The following SMIM12 variants were observed in gnomAD, a reference collection of about 807,000 sequenced individuals.
SMIM12 encodes the protein small integral membrane protein 12.
In SMIM12, 5 loss-of-function variants were observed where a neutral mutation model predicts 6.3. The ratio of observed to expected loss-of-function variants is 0.80; its 90% CI spans 0.42 to 1.68. SMIM12 has a LOEUF of 1.68. SMIM12 is among the 40% of genes most tolerant of loss of function. SMIM12 has a pLI of 0.02. For missense variants in SMIM12, 103 were observed against 121.4 expected, an observed-to-expected ratio of 0.85 and a Z score of 0.71; for synonymous variants, 51 against 48.0, an observed-to-expected ratio of 1.06 and a Z score of -0.26.
rs922347537 is a variant in SMIM12, at chr1:34,854,482, G to A, written c.*1217C>T. On this transcript the variant is annotated 3_prime_UTR_variant, in exon 2 of 2. Transcript: ENST00000521580. ...ATCTACTTGAGGAGCTGAAGTGAGA[G>A]GATCACTTGAGCCCAGGAGGTCAAG... 2.0e-5 allele frequency: 3 copies of A among 152,032 alleles called. No individual in the cohort carries two copies. Among genetic ancestry groups the A allele is most frequent in the Non-Finnish European group, 4.4e-5 (3 of 68,050 alleles). 9.4% of individuals were successfully genotyped at this position (152,032 alleles called of 1,614,324 possible).
chr1:34,855,591 G>A lies in SMIM12; in HGVS notation c.*108C>T. ...TGTGTGGCTGTGTGGTGTGGGAAGG[G>A]CCAGAATAAGCAACAAAGCCAATTA... On this transcript the variant is annotated 3_prime_UTR_variant, in exon 2 of 2. Coordinates refer to ENST00000521580, the MANE Select transcript of SMIM12 (RefSeq NM_138428.6). 1 of 1,613,336 alleles carries A rather than the reference G, an allele frequency of 6.2e-7. No homozygotes were observed. Among genetic ancestry groups the A allele is most frequent in the South Asian group, 1.1e-5 (1 of 90,398 alleles).
chr1:34,855,409 C>T lies in SMIM12; in HGVS notation c.*290G>A. ...CAAACCGCCTGCCCACAGAGATTGACAGCCAATGTTCATCTCATAACTCTC... is the reference window on the plus strand; with the variant it reads ...CAAACCGCCTGCCCACAGAGATTGATAGCCAATGTTCATCTCATAACTCTC... On this transcript the variant is annotated 3_prime_UTR_variant, in exon 2 of 2. Transcript: ENST00000521580. 1 of 1,521,284 alleles carries T rather than the reference C, an allele frequency of 6.6e-7. No homozygotes were observed. The highest frequency in any genetic ancestry group is 8.9e-7 in the Non-Finnish European group (1 of 1,120,918). 94.2% of individuals were successfully genotyped at this position (1,521,284 alleles called of 1,614,324 possible).
In SMIM12 at chr1:34,850,928, T is replaced by A. The variant is rs1023591696; in HGVS notation, c.*4771A>T. 6.6e-6 allele frequency: 1 copy of A among 152,244 alleles called. No individual in the cohort carries two copies. Among genetic ancestry groups the A allele is most frequent in the South Asian group, 2.1e-4 (1 of 4,832 alleles). 9.4% of individuals were successfully genotyped at this position (152,244 alleles called of 1,614,324 possible). On this transcript the variant is annotated 3_prime_UTR_variant, in exon 2 of 2. Transcript: ENST00000521580. ...CAATCTCCTGACCAGCTTGTGCTTC[T>A]TGGTTCTTATGCAAGCCAGTTCTCT...
rs542904398 is a variant in SMIM12, at chr1:34,853,097, C to T, written c.*2602G>A. On this transcript the variant is annotated 3_prime_UTR_variant, in exon 2 of 2. Coordinates refer to ENST00000521580, the MANE Select transcript of SMIM12 (RefSeq NM_138428.6). ...CCTTAGAAGAAGCCAACGACTCAAC[C>T]TGCTCCCTCCTCTCAGGCCACCACC... 1 of 152,532 alleles carries T rather than the reference C, an allele frequency of 6.6e-6. No individual in the cohort carries two copies. Among genetic ancestry groups the T allele is most frequent in the South Asian group, 2.1e-4 (1 of 4,820 alleles). 9.4% of individuals were successfully genotyped at this position (152,532 alleles called of 1,614,324 possible).
At position 34,855,160 on chromosome 1, in the gene SMIM12, G is replaced by C. The variant is rs1203616952; in HGVS notation, c.*539C>G. ...CACATGTTCGTCCCTGCCCCAAAGT[G>C]AACAGTCTGGGCTTCCCAGAACAGA... On this transcript the variant is annotated 3_prime_UTR_variant, in exon 2 of 2. Transcript: ENST00000521580. The C allele has an allele frequency of 7.3e-7, 1 of 1,363,956 alleles. No homozygotes were observed. The highest frequency in any genetic ancestry group is 9.8e-7 in the Non-Finnish European group (1 of 1,020,122). 84.5% of individuals were successfully genotyped at this position (1,363,956 alleles called of 1,614,324 possible).
In SMIM12 at chr1:34,855,379, G is replaced by A. The variant is rs764979709; in HGVS notation, c.*320C>T. 6.8e-7 allele frequency: 1 copy of A among 1,470,850 alleles called. No individual in the cohort carries two copies. Among genetic ancestry groups the A allele is most frequent in the African/African-American group, 1.4e-5 (1 of 71,718 alleles). 91.1% of individuals were successfully genotyped at this position (1,470,850 alleles called of 1,614,324 possible). A position where few individuals can be genotyped will look rare whatever the true frequency, so the allele number is the denominator to read the frequency against. ...GCCCAAATCCCAGCCATTCCCACTA[G>A]AGGCCAAACCGCCTGCCCACAGAGA... On this transcript the variant is annotated 3_prime_UTR_variant, in exon 2 of 2. Coordinates refer to ENST00000521580, the MANE Select transcript of SMIM12 (RefSeq NM_138428.6).
rs1557438654 is a variant in SMIM12 at position 34,859,137 on chromosome 1, AGTGTCTGAAAAACACT to A, written c.-6+524_-6+539del. On this transcript the variant is annotated intron_variant, in intron 1 of 1. Transcript: ENST00000521580. ...AGGGTATCACAATGAAAGAGGCAAAAGTGTCTGAAAAACACTGTGACGCATATTTCCAGCCCGGCAT... is the reference window on the plus strand; with the variant it reads ...AGGGTATCACAATGAAAGAGGCAAAAGTGACGCATATTTCCAGCCCGGCAT... 4 of 152,370 alleles carry A rather than the reference AGTGTCTGAAAAACACT, an allele frequency of 2.6e-5. No individual in the cohort carries two copies. In the East Asian group the frequency reaches 7.7e-4, roughly 29 times the overall value. The allele number at this position is 152,370 out of a possible 1,614,324, so 9.4% of individuals were successfully genotyped here.
chr1:34,858,152 C>T (rs569148117), intron 1 of SMIM12: 3 of 152,196 alleles, frequency 2.0e-5, no homozygotes, highest in South Asian at 2.1e-4. Context: ...AAGACTCCCC[C>T]GCTTATTGTC....
chr1:34,854,548 G>GAC lies in SMIM12; in HGVS notation c.*1149_*1150dup, dbSNP rs1638578958. 6.6e-6 allele frequency: 1 copy of GAC among 152,636 alleles called. No individual in the cohort carries two copies. Among genetic ancestry groups the GAC allele is most frequent in the East Asian group, 1.9e-4 (1 of 5,192 alleles). The allele number at this position is 152,636 out of a possible 1,614,324, so 9.5% of individuals were successfully genotyped here. ...AATTGTACTGCACTCCAGCCTGTGT[G>GAC]ACAGAGTGAGACCCTGTCTCCAAAA... is the stretch of plus-strand genomic sequence containing the variant. On this transcript the variant is annotated 3_prime_UTR_variant, in exon 2 of 2. Coordinates refer to ENST00000521580, the MANE Select transcript of SMIM12 (RefSeq NM_138428.6).
In SMIM12 at chr1:34,855,461, GA is replaced by G; in HGVS notation, c.*237del. 1 of 1,591,608 alleles carries G rather than the reference GA, an allele frequency of 6.3e-7. No individual in the cohort carries two copies. The highest frequency in any genetic ancestry group is 1.1e-5 in the South Asian group (1 of 90,034). ...TCCCAGCAGTGCACCAGTAAACTCA[GA>G]TGCCTGAGTGCTTGTGGCCACCACA... On this transcript the variant is annotated 3_prime_UTR_variant, in exon 2 of 2. Coordinates refer to ENST00000521580, the MANE Select transcript of SMIM12 (RefSeq NM_138428.6).
In SMIM12 at chr1:34,859,697, C is replaced by A; in HGVS notation, c.-26G>T. ...CTCACCTGCGGCCCAGCCCACACTC[C>A]CCAGTGCGGCCCCCGCTCTCCGCCC... On this transcript the variant is annotated 5_prime_UTR_variant, in exon 1 of 2. Coordinates refer to ENST00000521580, the MANE Select transcript of SMIM12 (RefSeq NM_138428.6). 1 of 152,522 alleles carries A rather than the reference C, an allele frequency of 6.6e-6. No homozygotes were observed. The allele number at this position is 152,522 out of a possible 1,614,324, so 9.4% of individuals were successfully genotyped here. A position where few individuals can be genotyped will look rare whatever the true frequency, so the allele number is the denominator to read the frequency against.
In SMIM12 at chr1:34,855,197, C is replaced by G; in HGVS notation, c.*502G>C. The G allele has an allele frequency of 1.5e-6, 2 of 1,368,386 alleles. No homozygotes were observed. The highest frequency in any genetic ancestry group is 2.3e-5 in the South Asian group (2 of 88,048). 84.8% of individuals were successfully genotyped at this position (1,368,386 alleles called of 1,614,324 possible). On this transcript the variant is annotated 3_prime_UTR_variant, in exon 2 of 2. Transcript: ENST00000521580. ...CTTCCCAGAACAGAAAAGTGCTTTC[C>G]TTCCTGGGGGAATCCCATTCCTGAG... is the stretch of plus-strand genomic sequence containing the variant.
Position 34,855,225 on chromosome 1 carries a change from G to C in SMIM12, c.*474C>G, listed in dbSNP as rs1395516140. ...CCTGGGGGAATCCCATTCCTGAGCT[G>C]ACAAGACAGATTTCAGTAAGAATGA... On this transcript the variant is annotated 3_prime_UTR_variant, in exon 2 of 2. Coordinates refer to ENST00000521580, the MANE Select transcript of SMIM12 (RefSeq NM_138428.6). The C allele has an allele frequency of 7.3e-7, 1 of 1,368,954 alleles. No homozygotes were observed. The highest frequency in any genetic ancestry group is 1.1e-5 in the South Asian group (1 of 88,060). The allele number at this position is 1,368,954 out of a possible 1,614,324, so 84.8% of individuals were successfully genotyped here.
At chr1:34,856,230 C>T (rs145815357) in intron 1 of SMIM12, among the ~76,000 whole-genome samples, 7,369 of 152,012 alleles carry the variant, frequency 0.048, 592 homozygotes, top group African/African-American at 0.17. Flanking sequence ...CAGCTAATTT[C>T]TGTATTTTTT....
At chr1:34,858,523 T>C (rs1638722773) in intron 1 of SMIM12, 1 of 152,214 alleles carries the variant, frequency 6.6e-6, no homozygotes, top group Admixed American at 6.5e-5. Flanking sequence ...CAGGGATTTA[T>C]GAAATTCAGA....
rs951097785 is a variant in SMIM12, at chr1:34,855,804, C to T, written c.174G>A (p.Leu58=). ...SISERREDRK[L]DELLGKDHTQ... is the part of the protein sequence containing the mutation. ...TGTGGTCCTTGCCTAGAAGCTCATC[C>T]AGCTTGCGATCCTCCCGGCGCTCTG... is the stretch of plus-strand genomic sequence containing the variant. The change falls in exon 2 of 2, where the codon CTG becomes CTA. Residue 58 remains leucine (L), a synonymous_variant. Transcript: ENST00000521580. 6.4e-7 allele frequency: 1 copy of T among 1,554,828 alleles called. No homozygotes were observed. The highest frequency in any genetic ancestry group is 2.4e-5 in the East Asian group (1 of 41,046).
intron 1 of SMIM12, chr1:34,857,671 C>G (rs538230258): frequency 6.6e-6 from 1 of 152,316 alleles, no homozygotes; most frequent in South Asian, 2.1e-4. Flanking sequence ...TAAGATGATT[C>G]TCCCCCTCTC....
rs1638762258 is a variant in SMIM12, at chr1:34,859,738, G to C, written c.-67C>G. ...CTCTCCGCCCGCTCGCCGGGAGCAC[G>C]GAAGTCGCCGCACCCAGCGGCCCGC... On this transcript the variant is annotated 5_prime_UTR_variant, in exon 1 of 2. Transcript: ENST00000521580. 2 of 152,346 alleles carry C rather than the reference G, an allele frequency of 1.3e-5. No homozygotes were observed. The highest frequency in any genetic ancestry group is 1.3e-4 in the Admixed American group (2 of 15,294). 9.4% of individuals were successfully genotyped at this position (152,346 alleles called of 1,614,324 possible). A position where few individuals can be genotyped will look rare whatever the true frequency, so the allele number is the denominator to read the frequency against.
At chr1:34,858,153 G>A (rs767234900) in intron 1 of SMIM12, 3 of 150,564 alleles carry the variant, frequency 2.0e-5, no homozygotes, top group Non-Finnish European at 2.9e-5. Context: ...AGACTCCCCC[G>A]CTTATTGTCT....
Sources: gnomAD v4.1 joint callset for allele counts (sites outside exome capture counted in the v4.1 genomes callset) on GRCh38, gnomAD v4.1.1 for gene constraint, MANE v1.5 for transcripts, NCBI Gene and HGNC (gene_info 2026-07-23, HGNC 2026-07-21) for gene names.